The following CWF19L2 variants were observed in gnomAD, a reference collection of about 807,000 sequenced individuals.
CWF19L2 encodes CWF19-like protein 2.
In CWF19L2, 98 loss-of-function variants were observed where a neutral mutation model predicts 111.7. That is an observed-to-expected ratio of 0.88 (90% CI 0.75 to 1.04). CWF19L2 has a LOEUF of 1.04. Among genes scored for constraint, CWF19L2 ranks in the 50% least tolerant of loss-of-function variants. The pLI is 0.00. For synonymous variants in CWF19L2, 351 were observed against 342.9 expected (o/e 1.02, Z -0.26); for missense variants, 1,101 against 1,051.4 (o/e 1.05, Z -0.65).
chr11:107,332,345 G>C lies in CWF19L2; in HGVS notation c.2440-2326C>G, dbSNP rs1303470680. The stretch of plus-strand genomic sequence containing the variant: ...TATTATCATGCAATTCCTCTGCATT[G>C]AACACTCAGATCTGTTTTTCCTGTT... On this transcript the variant is annotated intron_variant, in intron 16 of 17. Transcript: ENST00000282251. Among the ~76,000 whole-genome samples, 3 of 152,088 alleles carry C rather than the reference G, an allele frequency of 2.0e-5. 1 individual carries two copies. The highest frequency in any genetic ancestry group is 4.4e-5 in the Non-Finnish European group (3 of 68,018).
At chr11:107,406,348 C>G (rs1461078040) in intron 10 of CWF19L2, among the ~76,000 whole-genome samples, 1 of 152,166 alleles carries the variant, frequency 6.6e-6, no homozygotes, top group African/African-American at 2.4e-5. Flanking sequence ...TCCATAATCA[C>G]TTTTTACTAT....
chr11:107,457,689 C>A lies in CWF19L2; in HGVS notation c.105+23G>T. On this transcript the variant is annotated intron_variant, in intron 1 of 17. Coordinates refer to ENST00000282251, the MANE Select transcript of CWF19L2 (RefSeq NM_152434.3). ...CAACTCCCACAACAATAAATAACTA[C>A]AAAAGCCCCAAAACAGAGGTACCTG... is the stretch of plus-strand genomic sequence containing the variant. The A allele has an allele frequency of 2.0e-6, 3 of 1,529,034 alleles. No homozygotes were observed. In the African/African-American group the frequency reaches 4.1e-5, roughly 21 times the overall value. The allele number at this position is 1,529,034 out of a possible 1,614,324, so 94.7% of individuals were successfully genotyped here.
chr11:107,343,749 C>G (rs1159837473), intron 14 of CWF19L2, among the ~76,000 whole-genome samples: 1 of 151,984 alleles, frequency 6.6e-6, no homozygotes, highest in Non-Finnish European at 1.5e-5. Context: ...TAAAGTGATT[C>G]TAAGAGTTGC....
At chr11:107,457,678 A>G in intron 1 of CWF19L2, 34 bp downstream of exon 1, 2 of 1,491,484 alleles carry the variant, frequency 1.3e-6, no homozygotes, top group Non-Finnish European at 9.2e-7. Context: ...TCCCACAACA[A>G]TAAATAACTA....
intron 4 of CWF19L2, 105 bp from the exon 5 acceptor site, chr11:107,441,727 G>T: frequency 8.2e-7 from 1 of 1,215,250 alleles, no homozygotes; most frequent in Non-Finnish European, 1.1e-6. Flanking sequence ...GGACTTTGGA[G>T]GCAATCAAAC....
intron 12 of CWF19L2, among the ~76,000 whole-genome samples, chr11:107,361,560 C>G (rs1389470734): frequency 6.6e-6 from 1 of 152,168 alleles, no homozygotes; most frequent in African/African-American, 2.4e-5. Flanking sequence ...GTAGATTACT[C>G]TGGCCAGTAT....
chr11:107,403,273 T>G, intron 10 of CWF19L2: 1 of 414,946 alleles, frequency 2.4e-6, no homozygotes, highest in South Asian at 3.1e-5. Context: ...TGTATTTATC[T>G]GCAAAAGACA....
chr11:107,362,365 G>C (rs1344105124), intron 12 of CWF19L2, among the ~76,000 whole-genome samples: 1 of 151,928 alleles, frequency 6.6e-6, no homozygotes, highest in African/African-American at 2.4e-5. Flanking sequence ...TTCACCTCTG[G>C]GGGCAGGGCA....
At position 107,336,613 on chromosome 11, in the gene CWF19L2, T is replaced by C. The variant is rs756379669; in HGVS notation, c.2303A>G (p.Tyr768Cys). The C allele has an allele frequency of 1.9e-6, 3 of 1,608,398 alleles. No homozygotes were observed. Among genetic ancestry groups the C allele is most frequent in the Middle Eastern group, 1.7e-4 (1 of 6,044 alleles). ...TTCCTTGGGAAGAGGAATACATTCATAAACCATGTGATACTGTTTCTTCAT... is the reference window on the plus strand; with the variant it reads ...TTCCTTGGGAAGAGGAATACATTCACAAACCATGTGATACTGTTTCTTCAT... ...MSMKKQYHMV[Y>C]ECIPLPKEVG... is the part of the protein sequence containing the mutation. The change falls in exon 15 of 18, where the codon TAT becomes TGT. Residue 768 changes from tyrosine (Y) to cysteine (C), a missense_variant. Coordinates refer to ENST00000282251, the MANE Select transcript of CWF19L2 (RefSeq NM_152434.3).
rs663777 is a variant in CWF19L2 at position 107,422,365 on chromosome 11, C to T, written c.1434-4078G>A. Among the ~76,000 whole-genome samples the T allele has an allele frequency of 5.2e-3, 791 of 152,040 alleles. 6 individuals carry two copies. Among genetic ancestry groups the T allele is most frequent in the African/African-American group, 0.018 (742 of 41,484 alleles). The stretch of plus-strand genomic sequence containing the variant: ...TGAGTGGTCCTAGAACCAACTCCCA[C>T]GAATTCCAAGGGACAACTGTAGTCT... On this transcript the variant is annotated intron_variant, in intron 8 of 17. Coordinates refer to ENST00000282251, the MANE Select transcript of CWF19L2 (RefSeq NM_152434.3).
intron 10 of CWF19L2, among the ~76,000 whole-genome samples, chr11:107,397,165 G>A (rs1418867674): frequency 1.3e-5 from 2 of 152,112 alleles, no homozygotes; most frequent in Non-Finnish European, 2.9e-5. Flanking sequence ...GAAACCTCCT[G>A]GCCAGAACTC....
chr11:107,333,208 C>T (rs1226627591), intron 16 of CWF19L2, among the ~76,000 whole-genome samples: 1 of 152,124 alleles, frequency 6.6e-6, no homozygotes, highest in Non-Finnish European at 1.5e-5. Flanking sequence ...GCAATTGCTG[C>T]TATCTTTGAA....
At chr11:107,353,406 G>A (rs2134546276) in intron 13 of CWF19L2, 118 bp downstream of exon 13, 1 of 753,034 alleles carries the variant, frequency 1.3e-6, no homozygotes, top group African/African-American at 1.8e-5. Context: ...AAATTATTAG[G>A]GGAAAGACCC....
At chr11:107,450,063 C>A (rs1435118193) in intron 3 of CWF19L2, among the ~76,000 whole-genome samples, 1 of 151,440 alleles carries the variant, frequency 6.6e-6, no homozygotes, top group East Asian at 1.9e-4. Flanking sequence ...TGCGGCACTG[C>A]ACTCCAGCCT....
At chr11:107,439,321 C>G in intron 5 of CWF19L2, 138 bp from the exon 6 acceptor site, 1 of 602,060 alleles carries the variant, frequency 1.7e-6, no homozygotes, top group Non-Finnish European at 2.9e-6. Flanking sequence ...ATATGCTGTT[C>G]TGTAACTTAC....
intron 3 of CWF19L2, among the ~76,000 whole-genome samples, chr11:107,450,844 A>G (rs1268890459): frequency 6.6e-6 from 1 of 152,156 alleles, no homozygotes; most frequent in African/African-American, 2.4e-5. Flanking sequence ...TAAAGCTTCA[A>G]AATTACATAA....
intron 11 of CWF19L2, 80 bp downstream of exon 11, chr11:107,392,699 T>G: frequency 1.3e-6 from 1 of 780,570 alleles, no homozygotes; most frequent in Non-Finnish European, 2.0e-6. Context: ...TCAGAAAATA[T>G]TTTATAATCT....
intron 10 of CWF19L2, among the ~76,000 whole-genome samples, chr11:107,396,476 G>T (rs1338948907): frequency 1.3e-5 from 2 of 152,142 alleles, no homozygotes; most frequent in African/African-American, 2.4e-5. Context: ...AAAAATCATG[G>T]ATTCTTATTT....
chr11:107,365,625 C>G lies in CWF19L2; in HGVS notation c.1873-11889G>C, dbSNP rs919833321. 1.3e-4 allele frequency among the ~76,000 whole-genome samples: 13 copies of G among 98,512 alleles called. 3 individuals are homozygous for G. The highest frequency in any genetic ancestry group is 2.1e-4 in the African/African-American group (4 of 18,798). The allele number at this position is 98,512 out of a possible 152,430, so 64.6% of individuals were successfully genotyped here. A position where few individuals can be genotyped will look rare whatever the true frequency, so the allele number is the denominator to read the frequency against. The stretch of plus-strand genomic sequence containing the variant: ...AAAAGCCTTTGACAAAATTCAACAA[C>G]GCTTCATGCTAAAAACTCTCAATAA... On this transcript the variant is annotated intron_variant, in intron 12 of 17. Transcript: ENST00000282251.
Sources: allele counts gnomAD v4.1 joint callset (sites outside exome capture counted in the v4.1 genomes callset), GRCh38; gene constraint gnomAD v4.1.1; transcripts MANE v1.5; gene names NCBI Gene and HGNC (gene_info 2026-07-23, HGNC 2026-07-21).